Variants in C3 observed in about 807,000 individuals in gnomAD.
C3 encodes C3 and PZP-like alpha-2-macroglobulin domain-containing protein 1.
Under a neutral mutation model 207.9 loss-of-function variants are expected in C3, and 97 were observed. That is an observed-to-expected ratio of 0.47 (90% CI 0.40 to 0.55). The LOEUF (loss-of-function observed/expected upper bound fraction) is 0.55. C3 is among the 20% of genes least tolerant of loss of function. C3 has a pLI of 0.00. For synonymous variants in C3, 848 were observed against 857.6 expected (o/e 0.99, Z 0.20); for missense variants, 1,684 against 2,171.7 (o/e 0.78, Z 4.46).
At position 6,720,637 on chromosome 19, in the gene C3, G is replaced by C. The variant is rs1465074312; in HGVS notation, c.-48C>G. 7.0e-7 allele frequency: 1 copy of C among 1,435,870 alleles called. No individual in the cohort carries two copies. The highest frequency in any genetic ancestry group is 9.6e-7 in the Non-Finnish European group (1 of 1,042,252). The allele number at this position is 1,435,870 out of a possible 1,614,324, so 88.9% of individuals were successfully genotyped here. The stretch of plus-strand genomic sequence containing the variant: ...AGAGGGACAGAGGGACAGAGGGAGA[G>C]GATGGGGAGGAGTGAGCAGCGCCTG... On this transcript the variant is annotated 5_prime_UTR_variant, in exon 1 of 41. Coordinates refer to ENST00000245907, the MANE Select transcript of C3 (RefSeq NM_000064.4).
In C3 at chr19:6,697,469, TGGG is replaced by T; in HGVS notation, c.2668_2670del (p.Pro890del). Reference sequence around the variant, plus strand: ...ACATATGGAACGGACAACGAGGACTTGGGGGGGATGGTTACGGTCTGCTGGTGA... The same window carrying T: ...ACATATGGAACGGACAACGAGGACTTGGGGATGGTTACGGTCTGCTGGTGA... On this transcript the variant is annotated inframe_deletion, in exon 21 of 41. Coordinates refer to ENST00000245907, the MANE Select transcript of C3 (RefSeq NM_000064.4). 1 of 1,612,814 alleles carries T rather than the reference TGGG, an allele frequency of 6.2e-7. No homozygotes were observed. The highest frequency in any genetic ancestry group is 1.1e-5 in the South Asian group (1 of 90,974).
chr19:6,687,510 G>A (rs1306351664), intron 27 of C3, among the ~76,000 whole-genome samples: 2 of 152,174 alleles, frequency 1.3e-5, no homozygotes, highest in African/African-American at 4.8e-5. Flanking sequence ...TAGGAAATAA[G>A]TGGCAGAGTT....
chr19:6,704,874 G>A (rs1334177501), intron 17 of C3, among the ~76,000 whole-genome samples: 1 of 151,688 alleles, frequency 6.6e-6, no homozygotes, highest in African/African-American at 2.4e-5. Context: ...CTTCAGCCTG[G>A]GTGACAGAGC....
chr19:6,678,145 C>A lies in C3; in HGVS notation c.4850+7G>T. 1.2e-6 allele frequency: 2 copies of A among 1,614,200 alleles called. No homozygotes were observed. Among genetic ancestry groups the A allele is most frequent in the South Asian group, 1.1e-5 (1 of 91,092 alleles). On this transcript the variant is annotated splice_region_variant and intron_variant, in intron 40 of 40. Coordinates refer to ENST00000245907, the MANE Select transcript of C3 (RefSeq NM_000064.4). ...CGGTCGCGCGCACGCGCAGGGAAAG[C>A]ACTCACTTGGGCTTCTCTCCCCAGA...
In C3 at chr19:6,686,070, G is replaced by A. The variant is rs376278335; in HGVS notation, c.3810+54C>T. On this transcript the variant is annotated intron_variant, in intron 29 of 40. Transcript: ENST00000245907. ...TCAGTGTCTTCTCTAGGAGGCCAGT[G>A]GGAAGCCGCAGGAGACAGGGATGCA... 5.7e-6 allele frequency: 9 copies of A among 1,585,340 alleles called. No homozygotes were observed. The South Asian group carries it at 7.7e-5, about 14-fold the overall frequency.
rs1489178436 is a variant in C3, at chr19:6,680,035, C to G, written c.4456+123G>C. 2.2e-5 allele frequency: 16 copies of G among 730,552 alleles called. No individual in the cohort carries two copies. The East Asian group carries it at 3.9e-4, about 18-fold the overall frequency. 45.3% of individuals were successfully genotyped at this position (730,552 alleles called of 1,614,324 possible). On this transcript the variant is annotated intron_variant, in intron 36 of 40. Transcript: ENST00000245907. ...CCCTCAGACCCGTGGGACCTTCATA[C>G]TACGAATGCTCAAATCCCTGGACTC...
chr19:6,719,420 C>T lies in C3; in HGVS notation c.75-17G>A, dbSNP rs1968119267. 1.9e-6 allele frequency: 3 copies of T among 1,611,158 alleles called. No individual in the cohort carries two copies. The highest frequency in any genetic ancestry group is 2.5e-6 in the Non-Finnish European group (3 of 1,177,660). ...ATAGAGTACCTGTCGGAGTGGGGCACGGGAGTGGGCTTGTCATTCCACGGA... is the reference window on the plus strand; with the variant it reads ...ATAGAGTACCTGTCGGAGTGGGGCATGGGAGTGGGCTTGTCATTCCACGGA... On this transcript the variant is annotated splice_polypyrimidine_tract_variant and intron_variant, in intron 1 of 40. Transcript: ENST00000245907. This position sits in a 1 kb window ranked among gnomAD's most constrained non-coding sequence, Gnocchi z 5.4.
Position 6,696,372 on chromosome 19 carries a change from G to GT in C3, c.2950+6dup. The GT allele has an allele frequency of 6.2e-7, 1 of 1,602,012 alleles. No individual in the cohort carries two copies. Among genetic ancestry groups the GT allele is most frequent in the Middle Eastern group, 1.7e-4 (1 of 5,962 alleles). On this transcript the variant is annotated splice_region_variant and intron_variant, in intron 23 of 40. Transcript: ENST00000245907. ...GACCCATGGGGTCGGGGTCAAGGGT[G>GT]TCTCACCTTGCAGGAGAATTCTGGT... is the stretch of plus-strand genomic sequence containing the variant.
intron 17 of C3, among the ~76,000 whole-genome samples, chr19:6,704,097 C>A (rs1462176295): frequency 6.6e-6 from 1 of 151,836 alleles, no homozygotes; most frequent in Admixed American, 6.6e-5. Context: ...GGGCAACACA[C>A]TGAGACCCTC....
intron 21 of C3, 151 bp downstream of exon 21, chr19:6,697,193 T>C: frequency 1.5e-6 from 1 of 648,628 alleles, no homozygotes; most frequent in Non-Finnish European, 2.7e-6. Flanking sequence ...ATCCTGGCTC[T>C]GCTTCTGAAA....
intron 31 of C3, 54 bp downstream of exon 31, chr19:6,684,721 T>A: frequency 6.3e-7 from 1 of 1,584,358 alleles, no homozygotes; most frequent in East Asian, 2.2e-5. Flanking sequence ...GAGGAGATGG[T>A]CCCTCTGGGG....
At chr19:6,714,113 C>T (rs749649079) in intron 6 of C3, 31 bp from the exon 7 acceptor site, 17 of 1,609,806 alleles carry the variant, frequency 1.1e-5, no homozygotes, top group Middle Eastern at 1.7e-4. Context: ...GTGGGGCCGG[C>T]GCTGGGCCAG....
chr19:6,685,172 G>A (rs776193625), intron 29 of C3, 26 bp from the exon 30 acceptor site: 1 of 1,610,646 alleles, frequency 6.2e-7, no homozygotes, highest in Non-Finnish European at 8.5e-7. Flanking sequence ...GAGAAAGATG[G>A]TGATCTGGGA....
At chr19:6,690,793 C>A in intron 26 of C3, 66 bp from the exon 27 acceptor site, 1 of 1,262,982 alleles carries the variant, frequency 7.9e-7, no homozygotes. Context: ...GTCATCCCCC[C>A]TTGCAGATTC....
At chr19:6,687,397 C>T (rs1918037962) in intron 27 of C3, among the ~76,000 whole-genome samples, 1 of 152,194 alleles carries the variant, frequency 6.6e-6, no homozygotes, top group Admixed American at 6.5e-5. Context: ...ATCATCATAG[C>T]TCACACTTAC....
chr19:6,697,038 T>G (rs1967547774), intron 21 of C3, among the ~76,000 whole-genome samples: 1 of 47,338 alleles, frequency 2.1e-5, no homozygotes. Context: ...TGAGACTCTG[T>G]CTCAAAAAAA....
rs765367888 is a variant in C3, at chr19:6,707,165, G to A, written c.2156C>T (p.Ala719Val). The change falls in exon 17 of 41, where the codon GCG (alanine) becomes GTG (valine). Residue 719 changes from alanine (A) to valine (V), a missense_variant. By Grantham distance (64) the Ala-to-Val change is moderately conservative. Coordinates refer to ENST00000245907, the MANE Select transcript of C3 (RefSeq NM_000064.4). Reference sequence around the variant, plus strand: ...GCAGTCCAGGAAGACCTTCTTGCACGCCTCGCCCAGGGAGATGAAACGGGT... The same window carrying A: ...GCAGTCCAGGAAGACCTTCTTGCACACCTCGCCCAGGGAGATGAAACGGGT... Reference protein sequence around the residue: ...RRTRFISLGEACKKVFLDCCN... With the variant: ...RRTRFISLGEVCKKVFLDCCN... 4 of 1,613,784 alleles carry A rather than the reference G, an allele frequency of 2.5e-6. No homozygotes were observed. The highest frequency in any genetic ancestry group is 1.1e-5 in the South Asian group (1 of 91,074).
rs375940408 is a variant in C3 at position 6,719,262 on chromosome 19, C to T, written c.216G>A (p.Glu72=). 364 of 1,613,924 alleles carry T rather than the reference C, an allele frequency of 2.3e-4. No individual in the cohort carries two copies. The highest frequency in any genetic ancestry group is 2.9e-4 in the Non-Finnish European group (338 of 1,179,988). Residue 72 remains glutamate, a synonymous_variant, in exon 2 of 41, where the codon GAG becomes GAA. Coordinates refer to ENST00000245907, the MANE Select transcript of C3 (RefSeq NM_000064.4). The surrounding 1 kb of genome is among the most constrained non-coding windows in gnomAD (Gnocchi z 5.4). ...TGGTGGCAGGGGTCAGCACAGTCTT[C>T]TCACTGGACAGCACTAGTTTTTTGC... ...FPGKKLVLSS[E]KTVLTPATNH...
intron 4 of C3, among the ~76,000 whole-genome samples, chr19:6,715,860 C>T (rs942648900): frequency 5.9e-5 from 9 of 152,046 alleles, no homozygotes; most frequent in African/African-American, 1.9e-4. Flanking sequence ...CTCCTGACCT[C>T]GTGATCTGCC....
Sources: gnomAD v4.1 joint callset for allele counts (sites outside exome capture counted in the v4.1 genomes callset) on GRCh38, gnomAD v4.1.1 for gene constraint, Gnocchi (gnomAD v3.1) non-coding constraint, MANE v1.5 for transcripts, NCBI Gene and HGNC (gene_info 2026-07-23, HGNC 2026-07-21) for gene names.